TPTE2: variants seen among roughly 807,000 people sequenced by gnomAD.
TPTE2 encodes the protein phosphatidylinositol 3,4,5-trisphosphate 3-phosphatase TPTE2.
TPTE2 carries 53 observed loss-of-function variants against 78.6 expected under a neutral mutation model. That is an observed-to-expected ratio of 0.67 (90% confidence interval 0.54 to 0.85). The LOEUF (loss-of-function observed/expected upper bound fraction) is 0.85, where lower values mean the gene tolerates loss of function less well. TPTE2 is among the 40% of genes least tolerant of loss of function. The pLI, the probability that TPTE2 is intolerant of heterozygous loss-of-function variation, is 0.00. For synonymous variants in TPTE2, 175 were observed against 206.2 expected (o/e 0.85, Z 1.30); for missense variants, 461 against 623.0 (o/e 0.74, Z 2.77).
the TPTE2 span, among the ~76,000 whole-genome samples, chr13:19,545,242 TAAG>T: frequency 2.0e-5 from 3 of 152,154 alleles, no homozygotes; most frequent in Admixed American, 2.0e-4. Flanking sequence ...CAAAAAGCCT[TAAG>T]AAGAGAGGAA....
At chr13:19,557,352 T>C in the TPTE2 span, among the ~76,000 whole-genome samples, 1 of 152,208 alleles carries the variant, frequency 6.6e-6, no homozygotes, top group South Asian at 2.1e-4. Flanking sequence ...GTGTGTTGCT[T>C]GGATCCTGAA....
rs201860450 is a variant in TPTE2 at position 19,449,855 on chromosome 13, T to C, written c.973+221A>G. ...GAAAATATGCTCAACCTTCCTTAGT[T>C]CTTTTTTCCTACTTTCTTCCATTCC... On this transcript the variant is annotated intron_variant, in intron 13 of 19. Coordinates refer to ENST00000400230, the Ensembl canonical transcript of TPTE2. 3.3e-5 allele frequency among the ~76,000 whole-genome samples: 5 copies of C among 152,162 alleles called. No individual in the cohort carries two copies. In the East Asian group the frequency reaches 7.7e-4, roughly 23 times the overall value.
intron 10 of TPTE2, among the ~76,000 whole-genome samples, chr13:19,452,409 C>A (rs1474037574): frequency 6.6e-6 from 1 of 151,984 alleles, no homozygotes; most frequent in South Asian, 2.1e-4. Context: ...ACAGGGGAAA[C>A]GATTTTTCAG....
In TPTE2 at chr13:19,516,853, GT is replaced by G. The variant is rs546260000; in HGVS notation, c.-43-13577del. Among the ~76,000 whole-genome samples the G allele has an allele frequency of 4.2e-4, 64 of 152,224 alleles. 1 individual carries two copies. The highest frequency in any genetic ancestry group is 1.4e-3 in the African/African-American group (59 of 41,534). ...ACAGGCATAGAATGAGGCTTGGTTTGTTTTTTAAATTTTTTCTATTTCTACT... is the reference window on the plus strand; with the variant it reads ...ACAGGCATAGAATGAGGCTTGGTTTGTTTTTAAATTTTTTCTATTTCTACT... On this transcript the variant is annotated intron_variant, in intron 1 of 17. Transcript: ENST00000390680.
At chr13:19,447,062 A>G (rs1436112605) in intron 13 of TPTE2, among the ~76,000 whole-genome samples, 2 of 152,184 alleles carry the variant, frequency 1.3e-5, no homozygotes, top group Non-Finnish European at 2.9e-5. Flanking sequence ...CAGATTCTTT[A>G]AAGAACTCCT....
chr13:19,497,692 G>C (rs1178410478), intron 1 of TPTE2, among the ~76,000 whole-genome samples: 4 of 149,900 alleles, frequency 2.7e-5, no homozygotes, highest in African/African-American at 4.9e-5. Flanking sequence ...AAACCACAAA[G>C]ATGGGGAAAA....
At chr13:19,501,839 C>T (rs1366711735) in intron 1 of TPTE2, among the ~76,000 whole-genome samples, 1 of 151,750 alleles carries the variant, frequency 6.6e-6, no homozygotes, top group Non-Finnish European at 1.5e-5. Context: ...GCAAAAGAAA[C>T]TATCATCAGA....
intron 10 of TPTE2, among the ~76,000 whole-genome samples, chr13:19,460,354 T>C (rs1878810495): frequency 6.6e-6 from 1 of 152,242 alleles, no homozygotes; most frequent in Non-Finnish European, 1.5e-5. Context: ...ACCCTCTGCC[T>C]GCTTGTCTTC....
At chr13:19,512,951 C>G (rs1279851447) in intron 1 of TPTE2, among the ~76,000 whole-genome samples, 5 of 152,168 alleles carry the variant, frequency 3.3e-5, no homozygotes, top group Admixed American at 2.6e-4. Context: ...TATTGTTAAG[C>G]TGGCATCTCA....
At chr13:19,525,417 G>T (rs937809500) in intron 1 of TPTE2, among the ~76,000 whole-genome samples, 2 of 152,060 alleles carry the variant, frequency 1.3e-5, no homozygotes, top group Non-Finnish European at 2.9e-5. Context: ...TCTGATCTTC[G>T]ACAAAGCCAA....
At chr13:19,451,383 T>A (rs966489554) in intron 10 of TPTE2, among the ~76,000 whole-genome samples, 158 bp from the exon 14 acceptor site, 3 of 152,204 alleles carry the variant, frequency 2.0e-5, no homozygotes, top group Non-Finnish European at 2.9e-5. Context: ...AACTTCAAGT[T>A]CTAATCCACT....
upstream of TPTE2, among the ~76,000 whole-genome samples, chr13:19,537,513 G>T (rs375197103): frequency 6.6e-6 from 1 of 151,594 alleles, no homozygotes; most frequent in Non-Finnish European, 1.5e-5. Flanking sequence ...GATTACAGGC[G>T]TGAGCCACTG....
chr13:19,492,430 G>A (rs1296163895), intron 3 of TPTE2, among the ~76,000 whole-genome samples: 2 of 152,090 alleles, frequency 1.3e-5, no homozygotes, highest in African/African-American at 4.8e-5. Context: ...TCCTTTCTTG[G>A]AACACTATGG....
intron 6 of TPTE2, among the ~76,000 whole-genome samples, chr13:19,470,672 C>T (rs1396386331): frequency 1.3e-5 from 2 of 149,068 alleles, no homozygotes; most frequent in South Asian, 2.1e-4. Context: ...ATTACAGGCA[C>T]CCAGCACCAC....
At chr13:19,552,221 G>A in the TPTE2 span, among the ~76,000 whole-genome samples, 1 of 152,128 alleles carries the variant, frequency 6.6e-6, no homozygotes, top group Non-Finnish European at 1.5e-5. Flanking sequence ...CAAAATTGAA[G>A]TATAATCTCA....
intron 13 of TPTE2, among the ~76,000 whole-genome samples, chr13:19,441,893 A>C (rs942506366): frequency 6.6e-6 from 1 of 152,222 alleles, no homozygotes; most frequent in African/African-American, 2.4e-5. Context: ...ATGCAGGCTC[A>C]ACATAAACAA....
intron 1 of TPTE2, among the ~76,000 whole-genome samples, chr13:19,500,162 T>C (rs989815561): frequency 2.0e-5 from 3 of 151,316 alleles, no homozygotes; most frequent in Non-Finnish European, 2.9e-5. Flanking sequence ...TAATCAATAG[T>C]TTACCAACCA....
At chr13:19,540,089 AGCT>A (rs1871396643), upstream of TPTE2, among the ~76,000 whole-genome samples, 1 of 152,186 alleles carries the variant, frequency 6.6e-6, no homozygotes, top group Admixed American at 6.5e-5. Flanking sequence ...GGTTGCAGTG[AGCT>A]GAGCTTGTGC....
At chr13:19,560,836 C>A in the TPTE2 span, 1 of 1,550,812 alleles carries the variant, frequency 6.4e-7, no homozygotes. Context: ...AGGCGCGCTC[C>A]CGCAGGCTCT....
Sources: gnomAD v4.1 joint callset for allele counts (sites outside exome capture counted in the v4.1 genomes callset) on GRCh38, gnomAD v4.1.1 for gene constraint, MANE v1.5 for transcripts, NCBI Gene and HGNC (gene_info 2026-07-23, HGNC 2026-07-21) for gene names.